Variants in CCDC82 observed in about 807,000 individuals in gnomAD.
CCDC82 encodes coiled-coil domain containing 82, also known as coiled-coil domain-containing protein 82.
In CCDC82, 47 loss-of-function variants were observed where a neutral mutation model predicts 60.6. The observed-to-expected ratio is 0.77, with a 90% CI of 0.61 to 0.99. The LOEUF (loss-of-function observed/expected upper bound fraction) is 0.99. Among genes scored for constraint, CCDC82 ranks in the 50% least tolerant of loss-of-function variants. CCDC82 has a pLI of 0.00. For missense variants in CCDC82, 588 were observed against 633.0 expected (o/e 0.93, Z 0.76); for synonymous variants, 212 against 207.4 (o/e 1.02, Z -0.19).
chr11:96,367,047 TAACA>T (rs1864988306), intron 7 of CCDC82, among the ~76,000 whole-genome samples: 1 of 152,228 alleles, frequency 6.6e-6, no homozygotes, highest in African/African-American at 2.4e-5. Context: ...TAAAAAATGC[TAACA>T]ATCATCTGAA....
rs576320809 is a variant in CCDC82, at chr11:96,370,039, A to G, written c.1209+974T>C. Among the ~76,000 whole-genome samples the G allele has an allele frequency of 3.3e-5, 5 of 152,304 alleles. No homozygotes were observed. In the South Asian group the frequency reaches 6.2e-4, roughly 19 times the overall value. ...AAATTTATCAAAAGTCAAAAACTCA[A>G]TAGCCCTAAACTCAAGCCATCCTCC... is the stretch of plus-strand genomic sequence containing the variant. On this transcript the variant is annotated intron_variant, in intron 7 of 9. Transcript: ENST00000646818.
intron 9 of CCDC82, chr11:96,357,920 A>G (rs991691342): frequency 1.0e-6 from 1 of 985,418 alleles, no homozygotes; most frequent in South Asian, 4.7e-5. Context: ...TGAGAGAAAG[A>G]CTTAAGGATC....
At chr11:96,366,250 G>A (rs1487165779) in intron 7 of CCDC82, among the ~76,000 whole-genome samples, 3 of 152,148 alleles carry the variant, frequency 2.0e-5, no homozygotes, top group Non-Finnish European at 4.4e-5. Flanking sequence ...AAACTTTGTT[G>A]GGTTAAGCCA....
At chr11:96,370,034 A>C (rs1041065823) in intron 7 of CCDC82, among the ~76,000 whole-genome samples, 1 of 152,110 alleles carries the variant, frequency 6.6e-6, no homozygotes, top group Non-Finnish European at 1.5e-5. Context: ...AAAGTCAAAA[A>C]CTCAATAGCC....
chr11:96,358,963 CATG>C lies in CCDC82; in HGVS notation c.1566+27_1566+29del, dbSNP rs531863892. The C allele has an allele frequency of 1.4e-3, 2,186 of 1,531,618 alleles. 18 individuals are homozygous for C. Among genetic ancestry groups the C allele is most frequent in the Middle Eastern group, 7.3e-3 (43 of 5,896 alleles). 94.9% of individuals were successfully genotyped at this position (1,531,618 alleles called of 1,614,324 possible). On this transcript the variant is annotated intron_variant, in intron 9 of 9. Coordinates refer to ENST00000646818, the MANE Select transcript of CCDC82 (RefSeq NM_024725.4). ...GATCATAATTAGCCTTCAGAATCTA[CATG>C]ATAAGATTCTCATATATTCACCTTA...
intron 7 of CCDC82, among the ~76,000 whole-genome samples, chr11:96,369,807 AT>A (rs1321261218): frequency 4.7e-4 from 72 of 152,252 alleles, no homozygotes; most frequent in African/African-American, 1.3e-3. Flanking sequence ...TCTCAAAAAA[AT>A]ACATTATCTG....
At chr11:96,388,453 T>C (rs1469884139) in intron 1 of CCDC82, 1 of 152,234 alleles carries the variant, frequency 6.6e-6, no homozygotes, top group East Asian at 1.9e-4. Flanking sequence ...TGATCAATAC[T>C]ATCACATCTT....
In CCDC82 at chr11:96,353,501, G is replaced by GA; in HGVS notation, c.*144dup. On this transcript the variant is annotated 3_prime_UTR_variant, in exon 10 of 10. Transcript: ENST00000646818. ...TAGAGTGTAGAGTGCCACTTCACAGGAATTAAGATAATCATGTTTTAAACA... is the reference window on the plus strand; with the variant it reads ...TAGAGTGTAGAGTGCCACTTCACAGGAAATTAAGATAATCATGTTTTAAACA... 1.5e-6 allele frequency: 1 copy of GA among 648,594 alleles called. No individual in the cohort carries two copies. The allele number at this position is 648,594 out of a possible 1,614,324, so 40.2% of individuals were successfully genotyped here.
intron 6 of CCDC82, among the ~76,000 whole-genome samples, chr11:96,372,699 A>AATATATATATACATATATATTTATAT (rs1455181586): frequency 1.4e-5 from 2 of 145,416 alleles, no homozygotes; most frequent in African/African-American, 5.0e-5. Flanking sequence ...AATATATAAA[A>AATATATATATACATATATATTTATAT]ATATATATAT....
intron 8 of CCDC82, chr11:96,363,277 G>C (rs1307215709): frequency 2.0e-5 from 3 of 151,916 alleles, no homozygotes; most frequent in Non-Finnish European, 4.4e-5. Flanking sequence ...TTAATGCTCT[G>C]GATCATAACT....
At chr11:96,373,084 G>A (rs184934465) in intron 6 of CCDC82, among the ~76,000 whole-genome samples, 1 of 152,120 alleles carries the variant, frequency 6.6e-6, no homozygotes, top group African/African-American at 2.4e-5. Context: ...TGGCACATGG[G>A]TATTAAGACA....
At chr11:96,377,040 G>A (rs1223244358) in intron 5 of CCDC82, among the ~76,000 whole-genome samples, 6 of 152,064 alleles carry the variant, frequency 3.9e-5, no homozygotes, top group Non-Finnish European at 7.4e-5. Context: ...TCTTGCTAGT[G>A]GTAAATTTAT....
At position 96,373,335 on chromosome 11, in the gene CCDC82, G is replaced by A. The variant is rs778306146; in HGVS notation, c.1084+40C>T. On this transcript the variant is annotated intron_variant, in intron 6 of 9. Transcript: ENST00000646818. ...TGAGGTTGTTTTAAAATTGGAAAAA[G>A]AAATAAAAACCAATTGTTTCATTCA... 3.1e-6 allele frequency: 4 copies of A among 1,294,442 alleles called. No individual in the cohort carries two copies. The South Asian group carries it at 3.8e-5, about 12-fold the overall frequency. 80.2% of individuals were successfully genotyped at this position (1,294,442 alleles called of 1,614,324 possible).
At chr11:96,357,334 T>C (rs867596846) in intron 9 of CCDC82, 175 of 985,062 alleles carry the variant, frequency 1.8e-4, no homozygotes, top group South Asian at 2.4e-4. Context: ...GGGAAAAAAA[T>C]GTGTATACTG....
At chr11:96,367,363 G>A (rs1419442221) in intron 7 of CCDC82, among the ~76,000 whole-genome samples, 1 of 152,148 alleles carries the variant, frequency 6.6e-6, no homozygotes. Flanking sequence ...CCCTGACACT[G>A]CTTTAACAAC....
Position 96,367,015 on chromosome 11 carries a change from T to A in CCDC82, c.1210-1865A>T, listed in dbSNP as rs572496608. ...AAATGTATGTAATTTAAACTACATT[T>A]AATTAAAAAGTACTTTAGGTCTAAA... On this transcript the variant is annotated intron_variant, in intron 7 of 9. Transcript: ENST00000646818. Among the ~76,000 whole-genome samples, 3 of 152,334 alleles carry A rather than the reference T, an allele frequency of 2.0e-5. No homozygotes were observed. The East Asian group carries it at 5.8e-4, about 29-fold the overall frequency.
rs1866034136 is a variant in CCDC82 at position 96,384,034 on chromosome 11, T to G, written c.714A>C (p.Glu238Asp). Reference protein sequence around the residue: ...PEKTLAAQKREKLQKLKELSK... With the variant: ...PEKTLAAQKRDKLQKLKELSK... ...AGAGTTCTTTGAGCTTCTGAAGTTT[T>G]TCTCGCTTTTGTGCAGCTAATGTTT... Residue 238 changes from glutamate (E) to aspartate (D), a missense_variant, in exon 4 of 10, where the codon GAA becomes GAC. Coordinates refer to ENST00000646818, the MANE Select transcript of CCDC82 (RefSeq NM_024725.4). 1 of 1,613,736 alleles carries G rather than the reference T, an allele frequency of 6.2e-7. No homozygotes were observed. The highest frequency in any genetic ancestry group is 1.3e-5 in the African/African-American group (1 of 75,030).
chr11:96,377,698 A>G (rs1865662486), intron 5 of CCDC82, among the ~76,000 whole-genome samples: 1 of 152,092 alleles, frequency 6.6e-6, no homozygotes, highest in African/African-American at 2.4e-5. Flanking sequence ...TTAATGTAAT[A>G]TATTAATGAC....
Position 96,383,249 on chromosome 11 carries a change from TTTC to T in CCDC82, c.991+17_991+19del, listed in dbSNP as rs2136201129. 3 of 1,288,426 alleles carry T rather than the reference TTTC, an allele frequency of 2.3e-6. No homozygotes were observed. The highest frequency in any genetic ancestry group is 3.4e-6 in the Non-Finnish European group (3 of 885,638). The allele number at this position is 1,288,426 out of a possible 1,614,324, so 79.8% of individuals were successfully genotyped here. A position where few individuals can be genotyped will look rare whatever the true frequency, so the allele number is the denominator to read the frequency against. On this transcript the variant is annotated intron_variant, in intron 5 of 9. Transcript: ENST00000646818. ...ATCATGAGAACAATTCATGAAACAT[TTTC>T]TTAATATTGAACTTACAAAGAGAAT...
Sources: gnomAD v4.1 joint callset for allele counts (sites outside exome capture counted in the v4.1 genomes callset) on GRCh38, gnomAD v4.1.1 for gene constraint, MANE v1.5 for transcripts, NCBI Gene and HGNC (gene_info 2026-07-23, HGNC 2026-07-21) for gene names.